Variants in IFT88 observed in about 807,000 individuals in gnomAD.
The protein encoded by IFT88 is intraflagellar transport 88, also known as intraflagellar transport protein 88 homolog.
Under a neutral mutation model 119.5 loss-of-function variants are expected in IFT88, and 74 were observed. The observed-to-expected ratio is 0.62, with a 90% CI of 0.51 to 0.75. The LOEUF is 0.75. IFT88 is among the 30% of genes least tolerant of loss of function. The pLI is 0.00. For missense variants in IFT88, 961 were observed against 977.7 expected (o/e 0.98, Z 0.23); for synonymous variants, 279 against 316.7 (o/e 0.88, Z 1.26).
At chr13:20,647,298 C>T (rs538579670) in intron 20 of IFT88, among the ~76,000 whole-genome samples, 2 of 152,180 alleles carry the variant, frequency 1.3e-5, no homozygotes, top group South Asian at 4.2e-4. Context: ...CACATTTTCT[C>T]TTTTTTACAT....
chr13:20,664,729 A>G (rs1324836458), intron 23 of IFT88, among the ~76,000 whole-genome samples: 3 of 152,210 alleles, frequency 2.0e-5, no homozygotes, highest in Non-Finnish European at 4.4e-5. Context: ...AAAAACAGCC[A>G]AAACACCAAA....
At chr13:20,681,243 A>T (rs144209855) in intron 24 of IFT88, among the ~76,000 whole-genome samples, 1 of 152,356 alleles carries the variant, frequency 6.6e-6, no homozygotes, top group East Asian at 1.9e-4. Context: ...GTTGCAGAAG[A>T]TGCCGTTTAA....
intron 1 of IFT88, among the ~76,000 whole-genome samples, chr13:20,570,100 G>A (rs2036006887): frequency 6.6e-6 from 1 of 151,590 alleles, no homozygotes; most frequent in South Asian, 2.1e-4. Flanking sequence ...ATATAGAAAT[G>A]GATAATAAGC....
At chr13:20,596,970 T>G (rs1474476630) in intron 8 of IFT88, 45 bp from the exon 9 acceptor site, 1 of 1,072,290 alleles carries the variant, frequency 9.3e-7, no homozygotes, top group African/African-American at 1.6e-5. Flanking sequence ...GCATAAAAGT[T>G]GATGAACACT....
At chr13:20,668,293 A>G (rs2055105990) in intron 23 of IFT88, among the ~76,000 whole-genome samples, 2 of 152,162 alleles carry the variant, frequency 1.3e-5, no homozygotes, top group South Asian at 2.1e-4. Context: ...TGAAAACACT[A>G]CTGAGCAGAG....
chr13:20,675,848 T>C (rs2056597968), intron 24 of IFT88, among the ~76,000 whole-genome samples: 1 of 152,258 alleles, frequency 6.6e-6, no homozygotes. Flanking sequence ...ATTAGCTTGC[T>C]GGATAGACAA....
intron 3 of IFT88, among the ~76,000 whole-genome samples, chr13:20,588,287 G>A (rs868413236): frequency 1.1e-4 from 17 of 151,594 alleles, no homozygotes; most frequent in African/African-American, 4.1e-4. Flanking sequence ...ATAGTTTTTA[G>A]TTCATTTTCC....
At chr13:20,670,919 C>A in intron 23 of IFT88, 54 bp from the exon 24 acceptor site, 3 of 1,482,676 alleles carry the variant, frequency 2.0e-6, no homozygotes, top group East Asian at 4.6e-5. Context: ...TATCTATATT[C>A]AACTTTGAAG....
chr13:20,611,496 C>G (rs1301719058), intron 13 of IFT88, among the ~76,000 whole-genome samples: 2 of 98,218 alleles, frequency 2.0e-5, no homozygotes, highest in Non-Finnish European at 3.7e-5. Flanking sequence ...GCCTGGGAGA[C>G]AGAGCATGAC....
At chr13:20,606,887 TAAAA>T (rs1161079619) in intron 13 of IFT88, among the ~76,000 whole-genome samples, 1 of 151,728 alleles carries the variant, frequency 6.6e-6, no homozygotes, top group Non-Finnish European at 1.5e-5. Context: ...TCTCAAAAAA[TAAAA>T]TAAATAAATA....
chr13:20,601,976 C>A, intron 12 of IFT88, 43 bp downstream of exon 12: 1 of 1,076,966 alleles, frequency 9.3e-7, no homozygotes, highest in Non-Finnish European at 1.4e-6. Context: ...TCCCACTTAT[C>A]TGTGCTTTTC....
intron 2 of IFT88, among the ~76,000 whole-genome samples, chr13:20,579,418 G>C (rs929735071): frequency 6.6e-6 from 1 of 152,150 alleles, no homozygotes; most frequent in African/African-American, 2.4e-5. Flanking sequence ...ATTCTCTCCT[G>C]TGTCTGTCAC....
rs749583396 is a variant in IFT88, at chr13:20,601,890, C to G, written c.998C>G (p.Thr333Ser). 2 of 1,607,634 alleles carry G rather than the reference C, an allele frequency of 1.2e-6. No homozygotes were observed. ...AAGAAGGCATTCCAAAAATTGATTA[C>G]TGTTCCATTAGAAATTGATGAAGAT... is the stretch of plus-strand genomic sequence containing the variant. ...KMKKAFQKLI[T>S]VPLEIDEDKY... Residue 333 changes from threonine to serine, a missense_variant, in exon 12 of 26, where the codon ACT becomes AGT. Physicochemically the swap from Thr to Ser is moderately conservative, Grantham distance 58. Coordinates refer to ENST00000351808, the MANE Select transcript of IFT88 (RefSeq NM_006531.5).
intron 4 of IFT88, 21 bp from the exon 5 acceptor site, chr13:20,590,941 TTTAAC>T: frequency 6.4e-7 from 1 of 1,554,430 alleles, no homozygotes. Context: ...TAGGAATCTT[TTTAAC>T]TTAACTTTTC....
At chr13:20,681,054 C>G (rs768721875) in intron 24 of IFT88, among the ~76,000 whole-genome samples, 1 of 152,186 alleles carries the variant, frequency 6.6e-6, no homozygotes, top group Non-Finnish European at 1.5e-5. Flanking sequence ...TCTGCTTTTG[C>G]AATTGTCATT....
intron 22 of IFT88, 173 bp from the exon 23 acceptor site, chr13:20,663,325 T>G: frequency 6.6e-7 from 1 of 1,513,226 alleles, no homozygotes; most frequent in Middle Eastern, 1.7e-4. Flanking sequence ...TCCAAGGAAG[T>G]CAGTTCTCCC....
chr13:20,611,901 C>T (rs188474368), intron 13 of IFT88, among the ~76,000 whole-genome samples: 5 of 152,286 alleles, frequency 3.3e-5, no homozygotes, highest in African/African-American at 1.2e-4. Flanking sequence ...CCACCGCACC[C>T]GGCCCACTTT....
At chr13:20,600,407 G>A (rs750496452) in intron 11 of IFT88, among the ~76,000 whole-genome samples, 2 of 152,036 alleles carry the variant, frequency 1.3e-5, no homozygotes, top group Non-Finnish European at 2.9e-5. Flanking sequence ...CTTTATGAAG[G>A]AGGCATACTT....
intron 14 of IFT88, among the ~76,000 whole-genome samples, chr13:20,617,100 A>C (rs929394049): frequency 6.6e-6 from 1 of 151,966 alleles, no homozygotes. Context: ...CCCGCCACCA[A>C]GCCCAGCTAA....
Sources: allele counts gnomAD v4.1 joint callset (sites outside exome capture counted in the v4.1 genomes callset), GRCh38; gene constraint gnomAD v4.1.1; transcripts MANE v1.5; gene names NCBI Gene and HGNC (gene_info 2026-07-23, HGNC 2026-07-21).